Variants in FBXW7 observed in about 807,000 individuals in gnomAD.
FBXW7 encodes the protein F-box/WD repeat-containing protein 7.
FBXW7 carries 11 observed loss-of-function variants against 86.3 expected under a neutral mutation model. That is an observed-to-expected ratio of 0.13 (90% confidence interval 0.08 to 0.21). The LOEUF is 0.21. Ranked by LOEUF, FBXW7 falls within the 10% of genes least tolerant of loss-of-function variation. The pLI is 1.00. For missense variants in FBXW7, 488 were observed against 847.4 expected, an observed-to-expected ratio of 0.58 and a Z score of 5.27; for synonymous variants, 313 against 297.9, an observed-to-expected ratio of 1.05 and a Z score of -0.52.
chr4:152,327,506 C>T (rs1324942773), intron 11 of FBXW7, among the ~76,000 whole-genome samples: 3 of 151,894 alleles, frequency 2.0e-5, no homozygotes, highest in Non-Finnish European at 4.4e-5. Context: ...AATAGGAGGG[C>T]TTTACAGGAG....
chr4:152,334,490 A>G (rs1342298780), intron 7 of FBXW7, among the ~76,000 whole-genome samples: 1 of 152,228 alleles, frequency 6.6e-6, no homozygotes, highest in Non-Finnish European at 1.5e-5. Context: ...AAGAGATGCT[A>G]ATTAATGACC....
chr4:152,441,989 C>G (rs1324001059), intron 2 of FBXW7, among the ~76,000 whole-genome samples: 4 of 152,218 alleles, frequency 2.6e-5, no homozygotes, highest in South Asian at 4.1e-4. Flanking sequence ...CCATCCCTCC[C>G]AGAAAAAAGT....
At chr4:152,479,093 T>C (rs1371722734) in intron 2 of FBXW7, among the ~76,000 whole-genome samples, 1 of 152,106 alleles carries the variant, frequency 6.6e-6, no homozygotes, top group African/African-American at 2.4e-5. Flanking sequence ...TAAAGCAGAA[T>C]ATGATGATAG....
intron 4 of FBXW7, among the ~76,000 whole-genome samples, chr4:152,367,477 GT>G (rs1479219746): frequency 1.3e-5 from 2 of 151,956 alleles, no homozygotes; most frequent in Non-Finnish European, 2.9e-5. Context: ...AGAAATACTA[GT>G]TAATAAAAAA....
intron 4 of FBXW7, among the ~76,000 whole-genome samples, chr4:152,369,663 T>C (rs1470731870): frequency 1.3e-5 from 2 of 152,104 alleles, no homozygotes; most frequent in Non-Finnish European, 2.9e-5. Context: ...TTTTGTTCAC[T>C]TGTCATATTG....
intron 4 of FBXW7, among the ~76,000 whole-genome samples, chr4:152,410,925 G>T (rs759854438): frequency 3.9e-5 from 6 of 152,112 alleles, no homozygotes; most frequent in Non-Finnish European, 8.8e-5. Flanking sequence ...GCCCACTCTA[G>T]CAGCTGCATT....
intron 4 of FBXW7, among the ~76,000 whole-genome samples, chr4:152,381,968 T>C (rs911632153): frequency 1.3e-5 from 2 of 152,166 alleles, no homozygotes; most frequent in Admixed American, 6.6e-5. Context: ...TCTAATTTCA[T>C]GAAAAATAAA....
intron 2 of FBXW7, among the ~76,000 whole-genome samples, chr4:152,516,998 G>C (rs1748555469): frequency 6.6e-6 from 1 of 152,008 alleles, no homozygotes; most frequent in Admixed American, 6.5e-5. Flanking sequence ...GCTAATTTTT[G>C]TATGTTCAGT....
At chr4:152,499,082 A>G (rs1379501431) in intron 2 of FBXW7, among the ~76,000 whole-genome samples, 1 of 152,120 alleles carries the variant, frequency 6.6e-6, no homozygotes, top group East Asian at 1.9e-4. Context: ...CCACTTGGAG[A>G]TATGATGCCA....
intron 5 of FBXW7, 92 bp from the exon 6 acceptor site, chr4:152,347,163 G>C (rs1731356319): frequency 9.6e-7 from 1 of 1,046,520 alleles, no homozygotes; most frequent in Non-Finnish European, 1.4e-6. Context: ...ATAGATTCTA[G>C]TACAAAGAAT....
chr4:152,532,732 C>T (rs772067202), intron 2 of FBXW7, among the ~76,000 whole-genome samples: 4 of 152,162 alleles, frequency 2.6e-5, no homozygotes, highest in Non-Finnish European at 5.9e-5. Flanking sequence ...CAATATCTAA[C>T]ATCCAGTGCG....
At position 152,322,789 on chromosome 4, in the gene FBXW7, TTTTTCTTTTTC is replaced by T; in HGVS notation, c.*81_*91del. On this transcript the variant is annotated 3_prime_UTR_variant, in exon 14 of 14. Transcript: ENST00000281708. ...CCTGCACCACTGAGAACAAGGGATTTTTTTCTTTTTCTTTTCTTTTTTTCTTTTTGCAGGGG... is the reference window on the plus strand; with the variant it reads ...CCTGCACCACTGAGAACAAGGGATTTTTTTCTTTTTTTCTTTTTGCAGGGG... 2 of 1,548,874 alleles carry T rather than the reference TTTTTCTTTTTC, an allele frequency of 1.3e-6. No homozygotes were observed. Among genetic ancestry groups the T allele is most frequent in the Middle Eastern group, 1.8e-4 (1 of 5,568 alleles).
intron 2 of FBXW7, among the ~76,000 whole-genome samples, chr4:152,511,083 G>T (rs920771269): frequency 1.4e-4 from 17 of 121,328 alleles, no homozygotes; most frequent in Middle Eastern, 6.7e-3. Context: ...TCTTCATGTT[G>T]CCCAGGCTGG....
chr4:152,364,072 T>C (rs1248199391), intron 4 of FBXW7, among the ~76,000 whole-genome samples: 1 of 152,196 alleles, frequency 6.6e-6, no homozygotes, highest in Non-Finnish European at 1.5e-5. Context: ...CAGCTAATTG[T>C]GTACTGTGAT....
chr4:152,500,496 CAAA>C (rs34375454), intron 2 of FBXW7, among the ~76,000 whole-genome samples: 15 of 73,084 alleles, frequency 2.1e-4, no homozygotes, highest in Non-Finnish European at 2.3e-4. Context: ...GCTTTGTCAG[CAAA>C]AAAAAAAAAA....
intron 2 of FBXW7, among the ~76,000 whole-genome samples, chr4:152,494,383 G>A (rs1233513615): frequency 6.6e-6 from 1 of 152,188 alleles, no homozygotes; most frequent in Non-Finnish European, 1.5e-5. Context: ...AAACAGTCAT[G>A]GTAAAGATGA....
intron 2 of FBXW7, among the ~76,000 whole-genome samples, chr4:152,424,588 T>C (rs1739216440): frequency 6.6e-6 from 1 of 152,190 alleles, no homozygotes; most frequent in Non-Finnish European, 1.5e-5. Flanking sequence ...GCCTGGTGAG[T>C]TACCGCATGT....
At chr4:152,470,218 A>G (rs1324748008) in intron 2 of FBXW7, among the ~76,000 whole-genome samples, 1 of 152,100 alleles carries the variant, frequency 6.6e-6, no homozygotes, top group Non-Finnish European at 1.5e-5. Flanking sequence ...GATGCTAATG[A>G]ATTATAAAGA....
intron 4 of FBXW7, among the ~76,000 whole-genome samples, chr4:152,354,752 T>A (rs942325067): frequency 2.6e-5 from 4 of 152,128 alleles, no homozygotes; most frequent in African/African-American, 9.6e-5. Context: ...CAGGAAAACC[T>A]GTTCCCTACA....
Sources: allele counts gnomAD v4.1 joint callset (sites outside exome capture counted in the v4.1 genomes callset), GRCh38; gene constraint gnomAD v4.1.1; transcripts MANE v1.5; gene names NCBI Gene and HGNC (gene_info 2026-07-23, HGNC 2026-07-21).